The following NCAM2 variants were observed in gnomAD, a reference collection of about 807,000 sequenced individuals.
NCAM2 encodes the protein neural cell adhesion molecule 2.
Under a neutral mutation model 98.1 loss-of-function variants are expected in NCAM2, and 30 were observed. The observed-to-expected ratio is 0.31, with a 90% confidence interval of 0.23 to 0.41. The LOEUF is 0.41. NCAM2 is among the 10% of genes least tolerant of loss of function. The pLI is 1.00. For missense variants in NCAM2, 867 were observed against 1,005.8 expected, an observed-to-expected ratio of 0.86 and a Z score of 1.87; for synonymous variants, 368 against 342.4, an observed-to-expected ratio of 1.07 and a Z score of -0.83.
intron 11 of NCAM2, among the ~76,000 whole-genome samples, chr21:21,431,528 A>G (rs1024441840): frequency 6.6e-6 from 1 of 152,160 alleles, no homozygotes; most frequent in East Asian, 1.9e-4. Flanking sequence ...TATCTCAACT[A>G]AAGGTTTAAT....
In NCAM2 at chr21:21,230,357, A is replaced by G. The variant is rs149414007; in HGVS notation, c.56-50221A>G. Among the ~76,000 whole-genome samples the G allele has an allele frequency of 5.0e-4, 75 of 151,078 alleles. 1 individual carries two copies. The highest frequency in any genetic ancestry group is 1.8e-3 in the African/African-American group (74 of 41,378). On this transcript the variant is annotated intron_variant, in intron 1 of 17. Transcript: ENST00000400546. ...TAAAAGGTGATTTCGGATTTGTTTGATTTTAATGTCCTGTATAAAAAGATA... is the reference window on the plus strand; with the variant it reads ...TAAAAGGTGATTTCGGATTTGTTTGGTTTTAATGTCCTGTATAAAAAGATA...
chr21:21,194,003 A>C (rs2068916898), intron 1 of NCAM2, among the ~76,000 whole-genome samples: 1 of 152,180 alleles, frequency 6.6e-6, no homozygotes, highest in Non-Finnish European at 1.5e-5. Context: ...TTTCATATGA[A>C]AATACCAAAA....
chr21:21,063,466 C>A (rs1183431712), intron 1 of NCAM2, among the ~76,000 whole-genome samples: 1 of 151,872 alleles, frequency 6.6e-6, no homozygotes, highest in African/African-American at 2.4e-5. Context: ...AGTGATCCAC[C>A]CGCCTCAGCC....
intron 1 of NCAM2, among the ~76,000 whole-genome samples, chr21:21,270,942 A>T (rs1008155858): frequency 2.7e-5 from 4 of 150,898 alleles, no homozygotes; most frequent in African/African-American, 9.8e-5. Context: ...CTTCTCTTTT[A>T]GTTATTTTTT....
chr21:21,316,908 G>A (rs2074240549), intron 5 of NCAM2, among the ~76,000 whole-genome samples: 1 of 152,092 alleles, frequency 6.6e-6, no homozygotes, highest in African/African-American at 2.4e-5. Context: ...TGGACCATTA[G>A]CACATAAACC....
chr21:21,286,425 G>A lies in NCAM2; in HGVS notation c.481+13G>A, dbSNP rs756761194. 6.2e-7 allele frequency: 1 copy of A among 1,610,140 alleles called. No homozygotes were observed. The highest frequency in any genetic ancestry group is 1.7e-5 in the Admixed American group (1 of 59,688). The stretch of plus-strand genomic sequence containing the variant: ...ACTATTTCCGACAGTTAGTATTTTG[G>A]TAACTCCCTAAGTTATATGTTCTAA... On this transcript the variant is annotated intron_variant, in intron 4 of 17. Coordinates refer to ENST00000400546, the MANE Select transcript of NCAM2 (RefSeq NM_004540.5).
intron 9 of NCAM2, among the ~76,000 whole-genome samples, chr21:21,389,202 A>C (rs985180716): frequency 6.6e-6 from 1 of 152,230 alleles, no homozygotes; most frequent in Admixed American, 6.5e-5. Context: ...CTGAAGGCAA[A>C]TGAGGAGCAA....
At chr21:21,027,002 G>A (rs190273623) in intron 1 of NCAM2, among the ~76,000 whole-genome samples, 17 of 151,674 alleles carry the variant, frequency 1.1e-4, no homozygotes, top group East Asian at 3.9e-4. Context: ...GATTGCAGGC[G>A]TGCTCCATTG....
intron 9 of NCAM2, among the ~76,000 whole-genome samples, chr21:21,397,146 G>C (rs1226223998): frequency 6.6e-6 from 1 of 152,156 alleles, no homozygotes; most frequent in South Asian, 2.1e-4. Context: ...CTGAGTCGGG[G>C]TTTTATGGGC....
intron 8 of NCAM2, among the ~76,000 whole-genome samples, chr21:21,346,923 G>A (rs1350832241): frequency 6.6e-6 from 1 of 151,740 alleles, no homozygotes; most frequent in African/African-American, 2.4e-5. Flanking sequence ...ATCAAAAAAA[G>A]AGGAAAAACT....
At chr21:21,081,420 T>A (rs563806721) in intron 1 of NCAM2, among the ~76,000 whole-genome samples, 14 of 152,240 alleles carry the variant, frequency 9.2e-5, no homozygotes, top group African/African-American at 3.4e-4. Flanking sequence ...TTGCCTGACA[T>A]TCCTGGTGTG....
chr21:21,518,929 G>C (rs1306317186), intron 16 of NCAM2, among the ~76,000 whole-genome samples: 1 of 152,130 alleles, frequency 6.6e-6, no homozygotes, highest in African/African-American at 2.4e-5. Flanking sequence ...GTTGTTATTT[G>C]ATACTGTGTC....
At chr21:21,113,319 C>T (rs573143975) in intron 1 of NCAM2, among the ~76,000 whole-genome samples, 75 of 152,256 alleles carry the variant, frequency 4.9e-4, no homozygotes, top group African/African-American at 1.8e-3. Context: ...TCTTCACTGT[C>T]ACACAATCAC....
chr21:21,265,254 TAC>T lies in NCAM2; in HGVS notation c.56-15323_56-15322del, dbSNP rs1182092002. Among the ~76,000 whole-genome samples, 4 of 129,166 alleles carry T rather than the reference TAC, an allele frequency of 3.1e-5. No homozygotes were observed. In the East Asian group the frequency reaches 9.1e-4, roughly 29 times the overall value. The allele number at this position is 129,166 out of a possible 152,430, so 84.7% of individuals were successfully genotyped here. ...ATATATGCATGTGTATGTGTATATA[TAC>T]GTATATACACACATATATGTACACA... is the stretch of plus-strand genomic sequence containing the variant. On this transcript the variant is annotated intron_variant, in intron 1 of 17. Coordinates refer to ENST00000400546, the MANE Select transcript of NCAM2 (RefSeq NM_004540.5).
chr21:21,263,679 A>C (rs2072012172), intron 1 of NCAM2, among the ~76,000 whole-genome samples: 1 of 152,156 alleles, frequency 6.6e-6, no homozygotes, highest in African/African-American at 2.4e-5. Context: ...AATGAAACAG[A>C]ATAGACAATG....
intron 12 of NCAM2, among the ~76,000 whole-genome samples, chr21:21,458,591 A>G (rs1232835982): frequency 6.6e-6 from 1 of 152,158 alleles, no homozygotes; most frequent in African/African-American, 2.4e-5. Context: ...AAAGTGACAT[A>G]TGTATAAACC....
At chr21:21,373,150 A>G (rs2075957923) in intron 8 of NCAM2, among the ~76,000 whole-genome samples, 1 of 151,828 alleles carries the variant, frequency 6.6e-6, no homozygotes, top group Non-Finnish European at 1.5e-5. Context: ...AAATATTAGA[A>G]TATACTGTTT....
chr21:21,285,606 A>T (rs1443591280), intron 3 of NCAM2, among the ~76,000 whole-genome samples: 1 of 151,948 alleles, frequency 6.6e-6, no homozygotes, highest in South Asian at 2.1e-4. Context: ...GGTAAAAAAA[A>T]TTTTTGCAAG....
chr21:21,116,128 AT>A (rs1569039126), intron 1 of NCAM2, among the ~76,000 whole-genome samples: 2 of 152,166 alleles, frequency 1.3e-5, no homozygotes, highest in Non-Finnish European at 2.9e-5. Context: ...GGAAAATAAA[AT>A]GTATTTTCTT....
Sources: allele counts gnomAD v4.1 joint callset (sites outside exome capture counted in the v4.1 genomes callset), GRCh38; gene constraint gnomAD v4.1.1; transcripts MANE v1.5; gene names NCBI Gene and HGNC (gene_info 2026-07-23, HGNC 2026-07-21).